Variants in MBD3 observed in about 807,000 individuals in gnomAD.
MBD3 encodes the protein methyl-CpG binding domain protein 3, also known as methyl-CpG-binding domain protein 3.
Under a neutral mutation model 31.2 loss-of-function variants are expected in MBD3, and 13 were observed. The ratio of observed to expected loss-of-function variants is 0.42; its 90% confidence interval spans 0.27 to 0.66. MBD3 has a LOEUF of 0.66. Among genes scored for constraint, MBD3 ranks in the 30% least tolerant of loss-of-function variants. The probability of loss-of-function intolerance (pLI) is 0.26; values close to 1 mark genes in which losing one functional copy is unlikely to be tolerated. For synonymous variants in MBD3, 223 were observed against 187.4 expected (o/e 1.19, Z -1.55); for missense variants, 440 against 426.5 (o/e 1.03, Z -0.28).
At chr19:1,582,751 G>C in intron 3 of MBD3, 39 bp from the exon 4 acceptor site, 1 of 1,560,696 alleles carries the variant, frequency 6.4e-7, no homozygotes. Context: ...GAGTGGCCCT[G>C]CCCTCTCCCC....
chr19:1,584,835 G>A, intron 2 of MBD3, 158 bp from the exon 3 acceptor site: 2 of 979,506 alleles, frequency 2.0e-6, no homozygotes, highest in Non-Finnish European at 2.8e-6. Flanking sequence ...CTCCCGCAGG[G>A]TCGGTCCGGC....
rs760386003 is a variant in MBD3 at position 1,578,619 on chromosome 19, C to T, written c.678-81G>A. ...CACAGGATGAACGTGGGGACCTCAG[C>T]TGGGAGGGGAGGCCCGAGGGATCCA... On this transcript the variant is annotated intron_variant, in intron 5 of 6. Transcript: ENST00000434436. The surrounding 1 kb of genome is among the most constrained non-coding windows in gnomAD (Gnocchi z 6.1). The T allele has an allele frequency of 6.9e-6, 11 of 1,600,950 alleles. No homozygotes were observed. In the Admixed American group the frequency reaches 1.5e-4, roughly 22 times the overall value.
At chr19:1,581,298 G>A in intron 4 of MBD3, 29 bp from the exon 5 acceptor site, 1 of 1,598,398 alleles carries the variant, frequency 6.3e-7, no homozygotes, top group Non-Finnish European at 8.5e-7. Flanking sequence ...ACAGCCGCAA[G>A]TGGAGAGGTC....
At position 1,576,979 on chromosome 19, in the gene MBD3, GC is replaced by G. The variant is rs1228200640; in HGVS notation, c.*1184del. The G allele has an allele frequency of 6.6e-6, 1 of 152,338 alleles. No individual in the cohort carries two copies. Among genetic ancestry groups the G allele is most frequent in the Non-Finnish European group, 1.5e-5 (1 of 68,094 alleles). The allele number at this position is 152,338 out of a possible 1,614,324, so 9.4% of individuals were successfully genotyped here. A position where few individuals can be genotyped will look rare whatever the true frequency, so the allele number is the denominator to read the frequency against. On this transcript the variant is annotated 3_prime_UTR_variant, in exon 7 of 7. Transcript: ENST00000434436. ...GCGCTTCCTCAGCTCCCGCGGTCAG[GC>G]CCCATCAGGGATGGTCACAGTCCAG...
rs186494196 is a variant in MBD3 at position 1,587,425 on chromosome 19, T to C, written c.111-2211A>G. 5.3e-5 allele frequency among the ~76,000 whole-genome samples: 8 copies of C among 152,016 alleles called. No homozygotes were observed. In the East Asian group the frequency reaches 1.5e-3, roughly 29 times the overall value. Reference sequence around the variant, plus strand: ...CTTCATTTCTTTTTTTTTTCATTTTTACTTTTAGATCCAGGGTCTCCTTGT... The same window carrying C: ...CTTCATTTCTTTTTTTTTTCATTTTCACTTTTAGATCCAGGGTCTCCTTGT... On this transcript the variant is annotated intron_variant, in intron 1 of 6. Coordinates refer to ENST00000434436, the MANE Select transcript of MBD3 (RefSeq NM_001281453.2).
In MBD3 at chr19:1,584,656, C is replaced by A. The variant is rs1469148704; in HGVS notation, c.292G>T (p.Ala98Ser). 2 of 1,613,026 alleles carry A rather than the reference C, an allele frequency of 1.2e-6. No individual in the cohort carries two copies. The highest frequency in any genetic ancestry group is 1.3e-5 in the African/African-American group (1 of 74,924). Residue 98 changes from alanine (A) to serine (S), a missense_variant, in exon 3 of 7, where the codon GCG (alanine) becomes TCG (serine). Physicochemically the swap from Ala to Ser is moderately conservative, Grantham distance 99. This residue lies in a region of MBD3 where 144 missense variants were observed against 196.9 expected (regional missense o/e 0.73). Transcript: ENST00000434436. ...GACGCCGTCTGGCGCACGGGCAGCG[C>A]CGTGTTCAGGTCGGGCTTGCCCTGC... ...QVKGKPDLNTALPVRQTASIF... is the reference protein window; with the variant it reads ...QVKGKPDLNTSLPVRQTASIF...
intron 5 of MBD3, among the ~76,000 whole-genome samples, chr19:1,579,181 CAAAAAAAAAAAAAAA>C (rs57070800): frequency 5.3e-3 from 115 of 21,528 alleles, no homozygotes; most frequent in South Asian, 0.011. Context: ...CAGATTCTGC[CAAAAAAAAAAAAAAA>C]AAAAAAAAAA....
At chr19:1,591,387 C>G (rs2060702804) in intron 1 of MBD3, among the ~76,000 whole-genome samples, 1 of 152,256 alleles carries the variant, frequency 6.6e-6, no homozygotes, top group Non-Finnish European at 1.5e-5. Context: ...ACTTTTCTCA[C>G]TTTATCTCCC....
intron 4 of MBD3, among the ~76,000 whole-genome samples, chr19:1,582,202 G>A (rs899491128): frequency 6.6e-6 from 1 of 152,022 alleles, no homozygotes; most frequent in Non-Finnish European, 1.5e-5. Context: ...GTACCCAGCC[G>A]ACCCTGTCTC....
intron 3 of MBD3, chr19:1,583,139 G>A: frequency 4.8e-6 from 1 of 210,044 alleles, no homozygotes; most frequent in South Asian, 7.1e-5. Context: ...AGGAAGTGGA[G>A]GTTGCAGTGA....
rs1320568840 is a variant in MBD3, at chr19:1,585,604, C to T, written c.111-390G>A. On this transcript the variant is annotated intron_variant, in intron 1 of 6. Transcript: ENST00000434436. This position sits in a 1 kb window ranked among gnomAD's most constrained non-coding sequence, Gnocchi z 4.1. ...CCCTGGCAGCGTCAGGCACAGCAGA[C>T]GCTGAGTTCGGGTACAAACGCTACT... 1.1e-5 allele frequency: 3 copies of T among 284,736 alleles called. No homozygotes were observed. Among genetic ancestry groups the T allele is most frequent in the Admixed American group, 4.8e-5 (1 of 20,856 alleles). The allele number at this position is 284,736 out of a possible 1,614,324, so 17.6% of individuals were successfully genotyped here.
rs992920696 is a variant in MBD3, at chr19:1,576,052, G to A, written c.*2112C>T. On this transcript the variant is annotated 3_prime_UTR_variant, in exon 7 of 7. Transcript: ENST00000434436. ...GACAGGAGAGAGAGCAAGAAACAAA[G>A]AGGGACAGAGAGGGAGACGGCGCAA... 3 of 152,424 alleles carry A rather than the reference G, an allele frequency of 2.0e-5. No individual in the cohort carries two copies. Among genetic ancestry groups the A allele is most frequent in the African/African-American group, 7.2e-5 (3 of 41,414 alleles). The allele number at this position is 152,424 out of a possible 1,614,324, so 9.4% of individuals were successfully genotyped here. A position where few individuals can be genotyped will look rare whatever the true frequency, so the allele number is the denominator to read the frequency against.
Position 1,574,501 on chromosome 19 carries a change from G to T in MBD3, c.*3663C>A, listed in dbSNP as rs2145584504. The stretch of plus-strand genomic sequence containing the variant: ...TTGCTGAGGGTGGACTCCTCCAGGG[G>T]CATCTGCGCCGTGGCCGGTGTCAGA... On this transcript the variant is annotated 3_prime_UTR_variant, in exon 7 of 7. Coordinates refer to ENST00000434436, the MANE Select transcript of MBD3 (RefSeq NM_001281453.2). 6.5e-6 allele frequency: 1 copy of T among 152,728 alleles called. No individual in the cohort carries two copies. The highest frequency in any genetic ancestry group is 1.5e-5 in the Non-Finnish European group (1 of 68,388). The allele number at this position is 152,728 out of a possible 1,614,324, so 9.5% of individuals were successfully genotyped here. A position where few individuals can be genotyped will look rare whatever the true frequency, so the allele number is the denominator to read the frequency against.
rs370367323 is a variant in MBD3, at chr19:1,578,427, G to C, written c.789C>G (p.Asp263Glu). Residue 263 changes from aspartate to glutamate, a missense_variant, in exon 6 of 7, where the codon GAC becomes GAG. This residue lies in a region of MBD3 where 117 missense variants were observed against 95.0 expected (regional missense o/e 1.23). Transcript: ENST00000434436. The surrounding 1 kb of genome is among the most constrained non-coding windows in gnomAD (Gnocchi z 6.1). ...CGTCGTCGTCCTCAGCGCAGGCCTTGTCCAGCGGCGCCTCCCCGTCACGGG... is the reference window on the plus strand; with the variant it reads ...CGTCGTCGTCCTCAGCGCAGGCCTTCTCCAGCGGCGCCTCCCCGTCACGGG... ...ELARDGEAPL[D>E]KACAEDDDEE... 5 of 1,605,604 alleles carry C rather than the reference G, an allele frequency of 3.1e-6. No individual in the cohort carries two copies. The African/African-American group carries it at 6.7e-5, about 21-fold the overall frequency.
chr19:1,588,703 C>T (rs1477158790), intron 1 of MBD3, among the ~76,000 whole-genome samples: 1 of 146,134 alleles, frequency 6.8e-6, no homozygotes, highest in African/African-American at 2.5e-5. Context: ...GGGTTGAACC[C>T]AGGAGGCAGA....
intron 3 of MBD3, 78 bp from the exon 4 acceptor site, chr19:1,582,790 G>C: frequency 7.7e-7 from 1 of 1,298,948 alleles, no homozygotes; most frequent in Non-Finnish European, 1.1e-6. Flanking sequence ...GCTCCAGGGA[G>C]GCCCACCTGG....
At position 1,583,388 on chromosome 19, in the gene MBD3, A is replaced by C. The variant is rs1207339879; in HGVS notation, c.409-676T>G. Reference sequence around the variant, plus strand: ...GGGTGACAGAGCGAGACTCTGTCACAAAAAAAAAAAAAAAAAAAAGAAAAA... The same window carrying C: ...GGGTGACAGAGCGAGACTCTGTCACCAAAAAAAAAAAAAAAAAAAGAAAAA... On this transcript the variant is annotated intron_variant, in intron 3 of 6. Coordinates refer to ENST00000434436, the MANE Select transcript of MBD3 (RefSeq NM_001281453.2). 1.2e-4 allele frequency: 4 copies of C among 32,332 alleles called. No homozygotes were observed. The Admixed American group carries it at 1.5e-3, about 12-fold the overall frequency. The allele number at this position is 32,332 out of a possible 1,614,324, so 2.0% of individuals were successfully genotyped here. A position where few individuals can be genotyped will look rare whatever the true frequency, so the allele number is the denominator to read the frequency against.
At position 1,576,446 on chromosome 19, in the gene MBD3, C is replaced by G. The variant is rs1322404955; in HGVS notation, c.*1718G>C. 1 of 152,280 alleles carries G rather than the reference C, an allele frequency of 6.6e-6. No individual in the cohort carries two copies. The highest frequency in any genetic ancestry group is 1.9e-4 in the East Asian group (1 of 5,170). The allele number at this position is 152,280 out of a possible 1,614,324, so 9.4% of individuals were successfully genotyped here. ...GGGCAGCAGGGCCAAGACCCACGAT[C>G]CCTAGGCTGAGCCAGCGGCACCTCA... is the stretch of plus-strand genomic sequence containing the variant. On this transcript the variant is annotated 3_prime_UTR_variant, in exon 7 of 7. Transcript: ENST00000434436.
rs1916752659 is a variant in MBD3 at position 1,575,906 on chromosome 19, C to T, written c.*2258G>A. 6.6e-6 allele frequency: 1 copy of T among 152,328 alleles called. No homozygotes were observed. Among genetic ancestry groups the T allele is most frequent in the African/African-American group, 2.4e-5 (1 of 41,428 alleles). The allele number at this position is 152,328 out of a possible 1,614,324, so 9.4% of individuals were successfully genotyped here. ...GGGATCATCACATCTCAGACCAAGG[C>T]CAGGACATGGCCAGAACCCCGGGAT... On this transcript the variant is annotated 3_prime_UTR_variant, in exon 7 of 7. Transcript: ENST00000434436.
Sources: gnomAD v4.1 joint callset for allele counts (sites outside exome capture counted in the v4.1 genomes callset) on GRCh38, gnomAD v4.1.1 for gene constraint, gnomAD v4.1.1 regional missense constraint, Gnocchi (gnomAD v3.1) non-coding constraint, MANE v1.5 for transcripts, NCBI Gene and HGNC (gene_info 2026-07-23, HGNC 2026-07-21) for gene names.